The following ST8SIA5 variants were observed in gnomAD, a reference collection of about 807,000 sequenced individuals.
ST8SIA5 encodes alpha-2,8-sialyltransferase 8E.
Under a neutral mutation model 40.2 loss-of-function variants are expected in ST8SIA5, and 24 were observed. The ratio of observed to expected loss-of-function variants is 0.60; its 90% CI spans 0.43 to 0.84. The LOEUF is 0.84. Ranked by LOEUF, ST8SIA5 falls within the 40% of genes least tolerant of loss-of-function variation. The probability of loss-of-function intolerance (pLI) is 0.00; values close to 1 mark genes in which losing one functional copy is unlikely to be tolerated. For missense variants in ST8SIA5, 465 were observed against 498.5 expected (o/e 0.93, Z 0.64); for synonymous variants, 198 against 201.8 (o/e 0.98, Z 0.16).
chr18:46,695,271 A>G (rs866602472), intron 2 of ST8SIA5, among the ~76,000 whole-genome samples: 5 of 152,092 alleles, frequency 3.3e-5, no homozygotes, highest in African/African-American at 1.2e-4. Flanking sequence ...AGCCTCCCCT[A>G]TAGGAAGAAT....
intron 3 of ST8SIA5, 73 bp from the exon 4 acceptor site, chr18:46,688,992 C>A: frequency 6.5e-7 from 1 of 1,536,046 alleles, no homozygotes; most frequent in East Asian, 2.3e-5. Context: ...CACAACCTCA[C>A]GGAGAACAGA....
chr18:46,745,683 T>C (rs1363052987), intron 1 of ST8SIA5, among the ~76,000 whole-genome samples: 1 of 152,004 alleles, frequency 6.6e-6, no homozygotes, highest in Non-Finnish European at 1.5e-5. Context: ...TTCCAATCAA[T>C]AGAAAAAGAG....
chr18:46,679,991 G>A lies in ST8SIA5; in HGVS notation c.*51C>T. The A allele has an allele frequency of 1.3e-6, 2 of 1,540,996 alleles. No individual in the cohort carries two copies. Among genetic ancestry groups the A allele is most frequent in the Non-Finnish European group, 1.8e-6 (2 of 1,140,448 alleles). On this transcript the variant is annotated 3_prime_UTR_variant, in exon 7 of 7. Coordinates refer to ENST00000315087, the MANE Select transcript of ST8SIA5 (RefSeq NM_013305.6). Reference sequence around the variant, plus strand: ...TTCGGGGCTCCCAGTTCCACCAGGAGGGACAGCAGGAGAGGGGGCGCCGCT... The same window carrying A: ...TTCGGGGCTCCCAGTTCCACCAGGAAGGACAGCAGGAGAGGGGGCGCCGCT...
Position 46,716,128 on chromosome 18 carries a change from ATAGATAGATATAGT to A in ST8SIA5, c.132-11478_132-11465del, listed in dbSNP as rs1391114799. Among the ~76,000 whole-genome samples, 61 of 147,016 alleles carry A rather than the reference ATAGATAGATATAGT, an allele frequency of 4.1e-4. 1 individual carries two copies. In the South Asian group the frequency reaches 0.012, roughly 30 times the overall value. ...GATAGATAGATAGATAGATAGATAG[ATAGATAGATATAGT>A]GCTCCAGCTCCACCCACCACCTGGA... On this transcript the variant is annotated intron_variant, in intron 1 of 6. Coordinates refer to ENST00000315087, the MANE Select transcript of ST8SIA5 (RefSeq NM_013305.6).
At chr18:46,682,270 G>A (rs934739403) in intron 5 of ST8SIA5, among the ~76,000 whole-genome samples, 1 of 152,246 alleles carries the variant, frequency 6.6e-6, no homozygotes, top group African/African-American at 2.4e-5. Flanking sequence ...CCTTGCTGAA[G>A]TTCCAGACAC....
At position 46,680,432 on chromosome 18, in the gene ST8SIA5, AG is replaced by A; in HGVS notation, c.740del (p.Pro247LeufsTer80). 1 of 1,612,682 alleles carries A rather than the reference AG, an allele frequency of 6.2e-7. No homozygotes were observed. The highest frequency in any genetic ancestry group is 8.5e-7 in the Non-Finnish European group (1 of 1,179,268). On this transcript the variant is annotated frameshift_variant, in exon 7 of 7. Coordinates refer to ENST00000315087, the MANE Select transcript of ST8SIA5 (RefSeq NM_013305.6). LOFTEE classifies it high-confidence loss of function. Reference sequence around the variant, plus strand: ...CGGTGTTGCGCGTGTTGTAGAAGGCAGGCAGCAGCACCGACGCGTTCTCGTA... The same window carrying A: ...CGGTGTTGCGCGTGTTGTAGAAGGCAGCAGCAGCACCGACGCGTTCTCGTA... ...QVYENASVLL[P>X]AFYNTRNTDV... is the part of the protein sequence containing the mutation.
At chr18:46,745,998 C>T (rs12458074) in intron 1 of ST8SIA5, among the ~76,000 whole-genome samples, 11,150 of 152,178 alleles carry the variant, frequency 0.073, 753 homozygotes, top group East Asian at 0.31. Context: ...CAGAAAAGTC[C>T]TTCAACAAAA....
rs1210308660 is a variant in ST8SIA5 at position 46,669,159 on chromosome 18, G to C, written c.*10883C>G. On this transcript the variant is annotated 3_prime_UTR_variant, in exon 7 of 7. Coordinates refer to ENST00000315087, the MANE Select transcript of ST8SIA5 (RefSeq NM_013305.6). ...TCCCTCCACACAGGTGCTGGGCAGG[G>C]CATGAGGCCAGGGTGAAGCCCAGGC... 6 of 152,746 alleles carry C rather than the reference G, an allele frequency of 3.9e-5. No homozygotes were observed. The highest frequency in any genetic ancestry group is 1.4e-4 in the African/African-American group (6 of 41,480). The allele number at this position is 152,746 out of a possible 1,614,324, so 9.5% of individuals were successfully genotyped here. A position where few individuals can be genotyped will look rare whatever the true frequency, so the allele number is the denominator to read the frequency against.
chr18:46,756,704 G>A lies in ST8SIA5; in HGVS notation c.-196C>T, dbSNP rs2040252951. 7 of 621,326 alleles carry A rather than the reference G, an allele frequency of 1.1e-5. No homozygotes were observed. The East Asian group carries it at 1.9e-4, about 17-fold the overall frequency. The allele number at this position is 621,326 out of a possible 1,614,324, so 38.5% of individuals were successfully genotyped here. A position where few individuals can be genotyped will look rare whatever the true frequency, so the allele number is the denominator to read the frequency against. On this transcript the variant is annotated 5_prime_UTR_variant, in exon 1 of 7. Coordinates refer to ENST00000315087, the MANE Select transcript of ST8SIA5 (RefSeq NM_013305.6). ...TCCAAGCGTCGCAGGCGCTGGGGCG[G>A]CAAGCAGGACAGGGCCGGTGGCAGG...
intron 2 of ST8SIA5, 73 bp downstream of exon 2, chr18:46,704,499 C>T: frequency 1.5e-6 from 2 of 1,352,928 alleles, no homozygotes; most frequent in Non-Finnish European, 2.1e-6. Flanking sequence ...CACCCTTGCC[C>T]CCACGCACTC....
chr18:46,701,130 CTTTTTTTTTTTT>C (rs755571106), intron 2 of ST8SIA5, among the ~76,000 whole-genome samples: 6 of 45,794 alleles, frequency 1.3e-4, no homozygotes, highest in South Asian at 1.7e-3. Flanking sequence ...GAGATAGGGC[CTTTTTTTTTTTT>C]TTTTTTTTTT....
chr18:46,720,954 G>A (rs1413729222), intron 1 of ST8SIA5, among the ~76,000 whole-genome samples: 1 of 152,116 alleles, frequency 6.6e-6, no homozygotes, highest in Non-Finnish European at 1.5e-5. Flanking sequence ...CTGGGCAAGG[G>A]ACTTCAGAGA....
chr18:46,744,279 A>C (rs2040116901), intron 1 of ST8SIA5, among the ~76,000 whole-genome samples: 1 of 152,232 alleles, frequency 6.6e-6, no homozygotes, highest in Non-Finnish European at 1.5e-5. Context: ...CAATTTGGAT[A>C]AAGAGTCAAG....
At chr18:46,716,391 C>T (rs2039792077) in intron 1 of ST8SIA5, among the ~76,000 whole-genome samples, 1 of 152,128 alleles carries the variant, frequency 6.6e-6, no homozygotes. Context: ...GCTGGTGCTA[C>T]CCTGGCCTTG....
At chr18:46,718,859 T>C (rs111954697) in intron 1 of ST8SIA5, among the ~76,000 whole-genome samples, 44 of 152,268 alleles carry the variant, frequency 2.9e-4, no homozygotes, top group African/African-American at 7.2e-4. Flanking sequence ...GAGTTGTCAA[T>C]TGGGACAATG....
At chr18:46,689,904 T>C (rs1691532414) in intron 3 of ST8SIA5, among the ~76,000 whole-genome samples, 3 of 152,120 alleles carry the variant, frequency 2.0e-5, no homozygotes, top group Admixed American at 2.0e-4. Context: ...TGTTTTTTTT[T>C]TTAATTTCAT....
chr18:46,719,820 CTCTT>C lies in ST8SIA5; in HGVS notation c.132-15160_132-15157del, dbSNP rs71162819. On this transcript the variant is annotated intron_variant, in intron 1 of 6. Coordinates refer to ENST00000315087, the MANE Select transcript of ST8SIA5 (RefSeq NM_013305.6). ...TCTCTCTCTCTTCTTTCCTTCCTTT[CTCTT>C]TCTTTCTTTCTTTCTCTCTCTCTTT... Among the ~76,000 whole-genome samples, 546 of 137,954 alleles carry C rather than the reference CTCTT, an allele frequency of 4.0e-3. 4 individuals are homozygous for C. Among genetic ancestry groups the C allele is most frequent in the African/African-American group, 0.011 (405 of 36,350 alleles). 90.5% of individuals were successfully genotyped at this position (137,954 alleles called of 152,430 possible).
At chr18:46,717,797 C>A (rs2144522109) in intron 1 of ST8SIA5, among the ~76,000 whole-genome samples, 1 of 152,236 alleles carries the variant, frequency 6.6e-6, no homozygotes, top group South Asian at 2.1e-4. Flanking sequence ...TCTAAGTTTT[C>A]TTTCTTACCA....
chr18:46,702,553 C>T (rs1156831915), intron 2 of ST8SIA5, among the ~76,000 whole-genome samples: 2 of 152,192 alleles, frequency 1.3e-5, no homozygotes, highest in East Asian at 1.9e-4. Flanking sequence ...CTTCAGAGCC[C>T]GGGACACAGC....
Sources: gnomAD v4.1 joint callset for allele counts (sites outside exome capture counted in the v4.1 genomes callset) on GRCh38, gnomAD v4.1.1 for gene constraint, MANE v1.5 for transcripts, NCBI Gene and HGNC (gene_info 2026-07-23, HGNC 2026-07-21) for gene names.